Variants in ATXN1 observed in about 807,000 individuals in gnomAD.
The protein encoded by ATXN1 is ataxin 1.
A neutral mutation model predicts 56.4 loss-of-function variants in ATXN1; 8 were observed. The ratio of observed to expected loss-of-function variants is 0.14; its 90% CI spans 0.08 to 0.26. The LOEUF (loss-of-function observed/expected upper bound fraction) is 0.26. ATXN1 is among the 10% of genes least tolerant of loss of function. The pLI, the probability that ATXN1 is intolerant of heterozygous loss-of-function variation, is 1.00. For synonymous variants in ATXN1, 514 were observed against 494.6 expected (o/e 1.04, Z -0.52); for missense variants, 987 against 1,106.5 (o/e 0.89, Z 1.53).
intron 3 of ATXN1, among the ~76,000 whole-genome samples, chr6:16,603,808 G>C (rs1474736967): frequency 6.6e-6 from 1 of 152,122 alleles, no homozygotes; most frequent in Non-Finnish European, 1.5e-5. Flanking sequence ...TGGGGTACAG[G>C]GGAAGAGGTG....
chr6:16,549,827 C>CA (rs1761883028), intron 4 of ATXN1, among the ~76,000 whole-genome samples: 1 of 130,620 alleles, frequency 7.7e-6, no homozygotes, highest in East Asian at 2.3e-4. Flanking sequence ...AACTCAGGAG[C>CA]AAAGATTGTG....
At chr6:16,675,833 G>A (rs1417570871) in intron 2 of ATXN1, among the ~76,000 whole-genome samples, 1 of 152,128 alleles carries the variant, frequency 6.6e-6, no homozygotes, top group Non-Finnish European at 1.5e-5. Context: ...AGGCTGCAGT[G>A]AGCCAAGATT....
chr6:16,508,263 T>C (rs1297007543), intron 5 of ATXN1, among the ~76,000 whole-genome samples: 1 of 152,164 alleles, frequency 6.6e-6, no homozygotes, highest in Non-Finnish European at 1.5e-5. Context: ...ATATAGTAGA[T>C]AAAAGTTGTA....
At chr6:16,400,855 T>A (rs1272131723) in intron 6 of ATXN1, among the ~76,000 whole-genome samples, 14 of 152,154 alleles carry the variant, frequency 9.2e-5, no homozygotes, top group Non-Finnish European at 7.3e-5. Context: ...CCATTTTTAT[T>A]GGCTAACACT....
chr6:16,533,083 A>G (rs1761535700), intron 4 of ATXN1, among the ~76,000 whole-genome samples: 1 of 152,238 alleles, frequency 6.6e-6, no homozygotes, highest in Non-Finnish European at 1.5e-5. Flanking sequence ...TACAACATGG[A>G]TATGCAGTTT....
chr6:16,390,580 T>C (rs1330127238), intron 6 of ATXN1, among the ~76,000 whole-genome samples: 1 of 152,144 alleles, frequency 6.6e-6, no homozygotes, highest in African/African-American at 2.4e-5. Context: ...ATTTGGCTTA[T>C]CTATCTCTAG....
intron 3 of ATXN1, among the ~76,000 whole-genome samples, chr6:16,646,336 G>A (rs1013585832): frequency 1.3e-5 from 2 of 152,088 alleles, no homozygotes; most frequent in Non-Finnish European, 2.9e-5. Context: ...GTGGCTCTCC[G>A]CCACTTAAGA....
At chr6:16,658,950 G>A (rs146265734) in intron 2 of ATXN1, among the ~76,000 whole-genome samples, 6 of 152,292 alleles carry the variant, frequency 3.9e-5, no homozygotes, top group East Asian at 1.9e-4. Flanking sequence ...GGATATGCTC[G>A]TATGCCTCAG....
At chr6:16,610,833 G>A (rs1373037522) in intron 3 of ATXN1, among the ~76,000 whole-genome samples, 2 of 150,628 alleles carry the variant, frequency 1.3e-5, no homozygotes, top group Non-Finnish European at 2.9e-5. Context: ...AAACCACCCG[G>A]GACAACACAT....
intron 7 of ATXN1, among the ~76,000 whole-genome samples, chr6:16,317,588 G>A (rs921564867): frequency 1.3e-5 from 2 of 152,172 alleles, no homozygotes; most frequent in East Asian, 1.9e-4. Context: ...GCCTCCCAAA[G>A]TGCTGGGATT....
intron 3 of ATXN1, among the ~76,000 whole-genome samples, chr6:16,626,345 G>T (rs1370558131): frequency 6.6e-6 from 1 of 152,084 alleles, no homozygotes; most frequent in African/African-American, 2.4e-5. Flanking sequence ...GAGTGCAGTG[G>T]TGCATGTGAT....
At chr6:16,568,260 T>C (rs937532868) in intron 4 of ATXN1, among the ~76,000 whole-genome samples, 5 of 152,192 alleles carry the variant, frequency 3.3e-5, no homozygotes, top group Admixed American at 3.3e-4. Context: ...AAAGGGAATG[T>C]TTCTCCAAAC....
At chr6:16,751,104 G>T (rs1760705782) in intron 2 of ATXN1, among the ~76,000 whole-genome samples, 1 of 151,882 alleles carries the variant, frequency 6.6e-6, no homozygotes, top group Non-Finnish European at 1.5e-5. Context: ...AAGTAGCTGG[G>T]ATTACAGGAA....
chr6:16,454,125 CAAAAA>C (rs56277549), intron 6 of ATXN1, among the ~76,000 whole-genome samples: 110 of 76,642 alleles, frequency 1.4e-3, no homozygotes, highest in African/African-American at 5.6e-3. Context: ...GACTCTGTCT[CAAAAA>C]AAAAAAAAAA....
intron 6 of ATXN1, among the ~76,000 whole-genome samples, chr6:16,337,331 G>C (rs1334037909): frequency 1.3e-5 from 2 of 152,214 alleles, no homozygotes; most frequent in Non-Finnish European, 2.9e-5. Flanking sequence ...GGGTCCCCCT[G>C]CGTGGCTCAT....
intron 5 of ATXN1, among the ~76,000 whole-genome samples, chr6:16,492,520 G>A (rs1252841279): frequency 6.7e-6 from 1 of 148,396 alleles, no homozygotes; most frequent in African/African-American, 2.5e-5. Flanking sequence ...TTGTCATACA[G>A]CAATAGAAAA....
At position 16,439,981 on chromosome 6, in the gene ATXN1, A is replaced by G. The variant is rs1759480775; in HGVS notation, c.-161+45991T>C. Among the ~76,000 whole-genome samples the G allele has an allele frequency of 2.0e-5, 3 of 151,886 alleles. No homozygotes were observed. The South Asian group carries it at 6.2e-4, about 32-fold the overall frequency. Reference sequence around the variant, plus strand: ...TCCCAGCTACTCGGGAGGCTGAGGCAGGAGAATCACTTGAACCCGGGAGGC... The same window carrying G: ...TCCCAGCTACTCGGGAGGCTGAGGCGGGAGAATCACTTGAACCCGGGAGGC... On this transcript the variant is annotated intron_variant, in intron 6 of 7. Transcript: ENST00000436367.
intron 2 of ATXN1, among the ~76,000 whole-genome samples, chr6:16,700,180 C>A (rs1474814715): frequency 6.6e-6 from 1 of 152,142 alleles, no homozygotes; most frequent in East Asian, 1.9e-4. Context: ...TGGGGTCTTC[C>A]AGGACCGGCC....
At chr6:16,701,103 G>A (rs12196135) in intron 2 of ATXN1, among the ~76,000 whole-genome samples, 14,591 of 152,110 alleles carry the variant, frequency 0.096, 940 homozygotes, top group African/African-American at 0.18. Context: ...GTGTTGTGAC[G>A]TTCTGGTTTA....
Sources: allele counts gnomAD v4.1 joint callset (sites outside exome capture counted in the v4.1 genomes callset), GRCh38; gene constraint gnomAD v4.1.1; transcripts MANE v1.5; gene names NCBI Gene and HGNC (gene_info 2026-07-23, HGNC 2026-07-21).